The following RSRC1 variants were observed in gnomAD, a reference collection of about 807,000 sequenced individuals.
RSRC1 encodes serine/Arginine-related protein 53.
RSRC1 carries 39 observed loss-of-function variants against 49.1 expected under a neutral mutation model. That is an observed-to-expected ratio of 0.79 (90% CI 0.61 to 1.04). RSRC1 has a LOEUF of 1.04. RSRC1 is among the 50% of genes least tolerant of loss of function. The pLI, the probability that RSRC1 is intolerant of heterozygous loss-of-function variation, is 0.00. For synonymous variants in RSRC1, 143 were observed against 130.8 expected, an observed-to-expected ratio of 1.09 and a Z score of -0.63; for missense variants, 388 against 402.4, an observed-to-expected ratio of 0.96 and a Z score of 0.31.
chr3:158,446,309 A>G (rs954749376), intron 6 of RSRC1, among the ~76,000 whole-genome samples: 1 of 151,802 alleles, frequency 6.6e-6, no homozygotes, highest in Admixed American at 6.6e-5. Flanking sequence ...ACTCTGCCAT[A>G]TAGAATTGAA....
At chr3:158,491,053 T>C (rs576706790) in intron 7 of RSRC1, among the ~76,000 whole-genome samples, 2 of 152,344 alleles carry the variant, frequency 1.3e-5, no homozygotes, top group East Asian at 3.9e-4. Context: ...TCTATAAAAC[T>C]TTTGCTTTTC....
chr3:158,463,602 T>A (rs1474329779), intron 7 of RSRC1, among the ~76,000 whole-genome samples: 1 of 152,130 alleles, frequency 6.6e-6, no homozygotes, highest in Non-Finnish European at 1.5e-5. Context: ...ATAAATGTTG[T>A]CTACCCAGCT....
rs373396615 is a variant in RSRC1, at chr3:158,224,909, A to G, written c.494+21664A>G. 2.0e-3 allele frequency among the ~76,000 whole-genome samples: 304 copies of G among 152,006 alleles called. 4 individuals carry two copies. In the South Asian group the frequency reaches 0.03, roughly 15 times the overall value. On this transcript the variant is annotated intron_variant, in intron 4 of 9. Coordinates refer to ENST00000611884, the MANE Select transcript of RSRC1 (RefSeq NM_001271838.2). ...TGAAAAAGAACAAAGGATATTTTCT[A>G]TTTTGAAGAGAATTTAAGAAGTATC...
chr3:158,541,076 G>C (rs1350230639), intron 8 of RSRC1, among the ~76,000 whole-genome samples: 3 of 152,176 alleles, frequency 2.0e-5, no homozygotes, highest in African/African-American at 7.2e-5. Context: ...GTTCTGGCCT[G>C]CAGTGTCTCA....
chr3:158,446,951 T>C (rs1298938286), intron 6 of RSRC1, among the ~76,000 whole-genome samples: 3 of 152,168 alleles, frequency 2.0e-5, no homozygotes, highest in African/African-American at 7.2e-5. Flanking sequence ...TGCAGGGTGC[T>C]ACAATGTGTC....
chr3:158,412,204 G>C (rs1006264471), intron 6 of RSRC1, among the ~76,000 whole-genome samples: 1 of 151,998 alleles, frequency 6.6e-6, no homozygotes, highest in Non-Finnish European at 1.5e-5. Flanking sequence ...AAACACTTTA[G>C]ATGTTTGGTG....
intron 6 of RSRC1, among the ~76,000 whole-genome samples, chr3:158,417,303 T>A (rs1037245086): frequency 6.6e-6 from 1 of 152,082 alleles, no homozygotes; most frequent in African/African-American, 2.4e-5. Context: ...CTCCTAAAGC[T>A]ACCTTAATGC....
chr3:158,160,817 ATTATG>A (rs1673642877), intron 3 of RSRC1, among the ~76,000 whole-genome samples: 1 of 152,162 alleles, frequency 6.6e-6, no homozygotes, highest in Non-Finnish European at 1.5e-5. Flanking sequence ...GAATTGTGGA[ATTATG>A]TTATCATCCT....
intron 5 of RSRC1, among the ~76,000 whole-genome samples, chr3:158,343,677 T>A (rs948494546): frequency 6.6e-6 from 1 of 151,976 alleles, no homozygotes; most frequent in Non-Finnish European, 1.5e-5. Flanking sequence ...ACAGCTGAAA[T>A]GAAAAATACA....
intron 7 of RSRC1, among the ~76,000 whole-genome samples, chr3:158,517,747 C>A (rs1488161378): frequency 7.5e-6 from 1 of 134,028 alleles, no homozygotes; most frequent in African/African-American, 2.7e-5. Flanking sequence ...TACCACAACA[C>A]CCAGCTAATT....
chr3:158,439,863 C>CA (rs1248567582), intron 6 of RSRC1, among the ~76,000 whole-genome samples: 4 of 151,556 alleles, frequency 2.6e-5, no homozygotes, highest in Non-Finnish European at 4.4e-5. Flanking sequence ...GGACTACTGC[C>CA]AAAGTGCATG....
chr3:158,290,329 G>A (rs1216482728), intron 4 of RSRC1, among the ~76,000 whole-genome samples: 2 of 150,368 alleles, frequency 1.3e-5, no homozygotes, highest in Non-Finnish European at 2.9e-5. Context: ...CTGGAGTGCA[G>A]TGGCGCGATT....
chr3:158,366,261 A>G (rs1296351412), intron 6 of RSRC1, among the ~76,000 whole-genome samples: 2 of 152,142 alleles, frequency 1.3e-5, no homozygotes, highest in Non-Finnish European at 2.9e-5. Context: ...GTTTTCTTCT[A>G]GGGTTTTTAT....
intron 6 of RSRC1, among the ~76,000 whole-genome samples, chr3:158,449,673 G>A (rs7635356): frequency 0.076 from 11,496 of 151,884 alleles, 1,501 homozygotes; most frequent in African/African-American, 0.27. Flanking sequence ...TGTGCACAAC[G>A]TGCAAGTTTG....
At chr3:158,408,466 T>C (rs544111763) in intron 6 of RSRC1, among the ~76,000 whole-genome samples, 40 of 152,258 alleles carry the variant, frequency 2.6e-4, no homozygotes, top group African/African-American at 9.4e-4. Flanking sequence ...CACTAACTTA[T>C]GAACTTATTA....
intron 5 of RSRC1, among the ~76,000 whole-genome samples, chr3:158,314,290 G>A (rs544632933): frequency 2.0e-5 from 3 of 152,024 alleles, no homozygotes; most frequent in Non-Finnish European, 4.4e-5. Context: ...ACAGGGTTTC[G>A]CCATGTTGGC....
intron 6 of RSRC1, among the ~76,000 whole-genome samples, chr3:158,372,883 G>C (rs1437446073): frequency 6.6e-6 from 1 of 151,660 alleles, no homozygotes; most frequent in African/African-American, 2.4e-5. Context: ...TCAGAGATTT[G>C]TCGTTTCCAG....
chr3:158,432,482 C>T (rs535521355), intron 6 of RSRC1, among the ~76,000 whole-genome samples: 1 of 151,940 alleles, frequency 6.6e-6, no homozygotes, highest in African/African-American at 2.4e-5. Context: ...GCCATTGTCC[C>T]TCCTTGGTGT....
chr3:158,184,113 A>C (rs1559933235), intron 3 of RSRC1, among the ~76,000 whole-genome samples: 2 of 152,206 alleles, frequency 1.3e-5, no homozygotes, highest in Non-Finnish European at 2.9e-5. Context: ...CAGGATAAAG[A>C]TCCATGGAGA....
Sources: gnomAD v4.1 joint callset for allele counts (sites outside exome capture counted in the v4.1 genomes callset) on GRCh38, gnomAD v4.1.1 for gene constraint, MANE v1.5 for transcripts, NCBI Gene and HGNC (gene_info 2026-07-23, HGNC 2026-07-21) for gene names.